GIGYF2: variants seen among roughly 807,000 people sequenced by gnomAD.
The protein encoded by GIGYF2 is GRB10-interacting GYF protein 2.
A neutral mutation model predicts 208.1 loss-of-function variants in GIGYF2; 25 were observed. That is an observed-to-expected ratio of 0.12 (90% CI 0.09 to 0.17). The LOEUF is 0.17. Among genes scored for constraint, GIGYF2 ranks in the 10% least tolerant of loss-of-function variants. GIGYF2 has a pLI of 1.00. For missense variants in GIGYF2, 1,302 were observed against 1,579.4 expected, an observed-to-expected ratio of 0.82 and a Z score of 2.98; for synonymous variants, 534 against 543.8, an observed-to-expected ratio of 0.98 and a Z score of 0.25.
intron 2 of GIGYF2, chr2:232,730,250 G>T: frequency 1.1e-6 from 1 of 876,834 alleles, no homozygotes; most frequent in African/African-American, 1.7e-5. Context: ...CTCAAGTTGT[G>T]GGCACCCTGT....
chr2:232,771,282 G>A (rs1200516246), intron 8 of GIGYF2: 1 of 1,609,944 alleles, frequency 6.2e-7, no homozygotes, highest in Non-Finnish European at 8.5e-7. Context: ...TTTGAAGTGT[G>A]CTGTGGCCAT....
Position 232,707,669 on chromosome 2 carries a change from G to A in GIGYF2, c.-44+4180G>A, listed in dbSNP as rs183392117. Among the ~76,000 whole-genome samples the A allele has an allele frequency of 5.5e-3, 760 of 137,684 alleles. 11 individuals are homozygous for A. The highest frequency in any genetic ancestry group is 0.02 in the African/African-American group (736 of 36,430). The allele number at this position is 137,684 out of a possible 152,430, so 90.3% of individuals were successfully genotyped here. On this transcript the variant is annotated intron_variant, in intron 2 of 28. Coordinates refer to ENST00000373563, the MANE Select transcript of GIGYF2 (RefSeq NM_001103146.3). ...TTTTTTTTTTTTGAGACAGAGTTTC[G>A]CTCTTTCATCCAGGCTGGAGTGAAG...
intron 3 of GIGYF2, chr2:232,736,610 C>T (rs1697744974): frequency 1.3e-5 from 2 of 152,086 alleles, no homozygotes; most frequent in South Asian, 4.1e-4. Context: ...CATATAGAAG[C>T]TGTTCTTGAT....
Position 232,845,748 on chromosome 2 carries a change from T to C in GIGYF2, c.3322T>C (p.Ser1108Pro). 1 of 1,603,030 alleles carries C rather than the reference T, an allele frequency of 6.2e-7. No individual in the cohort carries two copies. The highest frequency in any genetic ancestry group is 8.5e-7 in the Non-Finnish European group (1 of 1,169,830). The change falls in exon 26 of 29, where the codon TCT (serine) becomes CCT (proline). Residue 1108 changes from serine to proline, a missense_variant. Around this residue, in one of 8 missense-constraint regions of GIGYF2, gnomAD observed 701 missense variants for 793.0 expected, o/e 0.88. Transcript: ENST00000373563. ...NASLSKSVGVSNRQNKKVEEE... is the reference protein window; with the variant it reads ...NASLSKSVGVPNRQNKKVEEE... ...TTGCTTTAGTAAATCTGTAGGTGTG[T>C]CTAACCGGCAGAATAAGAAAGTAGA...
chr2:232,857,350 A>T lies in GIGYF2; in HGVS notation c.*490A>T. Reference sequence around the variant, plus strand: ...ATAACAAAACACCCCATGGACTGTGACTCGAGTATCCAACAGGCAGTCAGA... The same window carrying T: ...ATAACAAAACACCCCATGGACTGTGTCTCGAGTATCCAACAGGCAGTCAGA... On this transcript the variant is annotated 3_prime_UTR_variant, in exon 29 of 29. Transcript: ENST00000373563. 5.2e-6 allele frequency: 1 copy of T among 190,718 alleles called. No homozygotes were observed. The allele number at this position is 190,718 out of a possible 1,614,324, so 11.8% of individuals were successfully genotyped here.
intron 2 of GIGYF2, chr2:232,729,850 C>T (rs552312514): frequency 2.2e-4 from 164 of 735,268 alleles, no homozygotes; most frequent in African/African-American, 2.1e-3. Context: ...TTCCCTTAGC[C>T]TCTTCGTTTC....
intron 27 of GIGYF2, among the ~76,000 whole-genome samples, chr2:232,847,791 C>T (rs1406519976): frequency 6.6e-6 from 1 of 152,116 alleles, no homozygotes; most frequent in Non-Finnish European, 1.5e-5. Context: ...CTAGGTTTAC[C>T]AGTTCCATTT....
intron 3 of GIGYF2, among the ~76,000 whole-genome samples, chr2:232,739,943 A>G (rs1207623021): frequency 6.7e-6 from 1 of 150,294 alleles, no homozygotes; most frequent in Non-Finnish European, 1.5e-5. Context: ...CTGCTAAAAA[A>G]AAAAAAAAAA....
chr2:232,771,076 T>C, intron 8 of GIGYF2: 1 of 1,614,122 alleles, frequency 6.2e-7, no homozygotes, highest in Non-Finnish European at 8.5e-7. Flanking sequence ...ACAGATAGTG[T>C]GGTTTTCAGG....
intron 16 of GIGYF2, chr2:232,810,938 C>T: frequency 3.5e-5 from 10 of 284,232 alleles, no homozygotes; most frequent in Non-Finnish European, 6.1e-5. Flanking sequence ...TGGAGTTTAC[C>T]AATTTTTGAC....
chr2:232,723,579 G>A (rs1373305739), intron 2 of GIGYF2, among the ~76,000 whole-genome samples: 1 of 150,648 alleles, frequency 6.6e-6, no homozygotes. Flanking sequence ...ACAGGTGCAC[G>A]CCACCATGCC....
At position 232,796,223 on chromosome 2, in the gene GIGYF2, C is replaced by G; in HGVS notation, c.1639+2C>G. The G allele has an allele frequency of 6.3e-7, 1 of 1,577,430 alleles. No individual in the cohort carries two copies. The highest frequency in any genetic ancestry group is 8.7e-7 in the Non-Finnish European group (1 of 1,146,480). ...AAGATCCTCAGGGAGAAATTCAAGG[C>G]AAGTTGTTCCTTTTTCCTTTAAATA... On this transcript the variant is annotated splice_donor_variant, in intron 14 of 28. Coordinates refer to ENST00000373563, the MANE Select transcript of GIGYF2 (RefSeq NM_001103146.3). LOFTEE classifies it high-confidence loss of function.
Position 232,815,677 on chromosome 2 carries a change from C to G in GIGYF2, c.2148C>G (p.Thr716=). ...GTGTATGGGATCTTCCTCTGGACAC[C>G]ACGACACCAGGCCCTGCCCTGGAAC... ...GGSVWDLPLD[T]TTPGPALEQL... Residue 716 remains threonine (T), a synonymous_variant, in exon 19 of 29, where the codon ACC becomes ACG. Transcript: ENST00000373563. 1 of 1,608,374 alleles carries G rather than the reference C, an allele frequency of 6.2e-7. No homozygotes were observed. Among genetic ancestry groups the G allele is most frequent in the Non-Finnish European group, 8.5e-7 (1 of 1,174,784 alleles).
intron 5 of GIGYF2, among the ~76,000 whole-genome samples, chr2:232,751,531 A>T (rs1297359862): frequency 6.6e-6 from 1 of 152,042 alleles, no homozygotes; most frequent in African/African-American, 2.4e-5. Context: ...TATGATTTTA[A>T]ATAAAAAGGC....
At chr2:232,839,719 A>C in intron 22 of GIGYF2, 130 bp from the exon 23 acceptor site, 1 of 961,474 alleles carries the variant, frequency 1.0e-6, no homozygotes, top group Non-Finnish European at 1.6e-6. Context: ...TGAAGAAGGA[A>C]ATTTGAATTG....
At chr2:232,834,398 C>G (rs1382960171) in intron 22 of GIGYF2, among the ~76,000 whole-genome samples, 4 of 152,136 alleles carry the variant, frequency 2.6e-5, no homozygotes, top group Non-Finnish European at 5.9e-5. Context: ...TTTAAACAAA[C>G]CCATGCTCTC....
At chr2:232,741,203 A>G (rs1697955815) in intron 3 of GIGYF2, among the ~76,000 whole-genome samples, 1 of 152,120 alleles carries the variant, frequency 6.6e-6, no homozygotes, top group African/African-American at 2.4e-5. Context: ...TTTCATCTTA[A>G]TAGTATATGT....
intron 20 of GIGYF2, 29 bp from the exon 21 acceptor site, chr2:232,819,791 CTCCCCCA>C: frequency 7.9e-6 from 2 of 254,464 alleles, no homozygotes; most frequent in Admixed American, 5.6e-5. Context: ...ACCTGAGTCC[CTCCCCCA>C]CCCCCCACCC....
intron 21 of GIGYF2, among the ~76,000 whole-genome samples, chr2:232,825,052 C>T (rs368526784): frequency 1.3e-5 from 2 of 152,202 alleles, no homozygotes; most frequent in South Asian, 2.1e-4. Context: ...ACCTACTGCT[C>T]CTTTCAAAAT....
Sources: gnomAD v4.1 joint callset for allele counts (sites outside exome capture counted in the v4.1 genomes callset) on GRCh38, gnomAD v4.1.1 for gene constraint, gnomAD v4.1.1 regional missense constraint, MANE v1.5 for transcripts, NCBI Gene and HGNC (gene_info 2026-07-23, HGNC 2026-07-21) for gene names.